The following PLCL2 variants were observed in gnomAD, a reference collection of about 807,000 sequenced individuals.
PLCL2 encodes the protein phospholipase C like 2.
Under a neutral mutation model 79.6 loss-of-function variants are expected in PLCL2, and 4 were observed. The observed-to-expected ratio is 0.05, with a 90% CI of 0.02 to 0.11. The LOEUF is 0.11. PLCL2 is among the 10% of genes least tolerant of loss of function. The pLI is 1.00. For synonymous variants in PLCL2, 484 were observed against 457.7 expected (o/e 1.06, Z -0.73); for missense variants, 895 against 1,291.0 (o/e 0.69, Z 4.70).
chr3:16,933,969 A>G (rs1170111392), intron 1 of PLCL2, among the ~76,000 whole-genome samples: 1 of 152,090 alleles, frequency 6.6e-6, no homozygotes, highest in Non-Finnish European at 1.5e-5. Context: ...CAGGAGGCGG[A>G]GGCAGGAGAA....
At chr3:17,067,809 C>T (rs2065024437) in intron 4 of PLCL2, 147 bp from the exon 5 acceptor site, 1 of 518,154 alleles carries the variant, frequency 1.9e-6, no homozygotes, top group East Asian at 3.2e-5. Flanking sequence ...GTTTTGTCCC[C>T]ATTATTACAT....
chr3:16,909,388 A>C (rs1446987977), intron 1 of PLCL2, among the ~76,000 whole-genome samples: 1 of 152,242 alleles, frequency 6.6e-6, no homozygotes, highest in Non-Finnish European at 1.5e-5. Context: ...TAGTGTTCCT[A>C]CAGAGGACTG....
At chr3:17,086,510 C>T (rs1575624906) in intron 5 of PLCL2, among the ~76,000 whole-genome samples, 3 of 152,136 alleles carry the variant, frequency 2.0e-5, no homozygotes, top group African/African-American at 7.2e-5. Flanking sequence ...AAAATCTAGG[C>T]GACCTTGGAT....
chr3:17,005,269 A>G (rs923722948), intron 1 of PLCL2, among the ~76,000 whole-genome samples: 2 of 152,142 alleles, frequency 1.3e-5, no homozygotes, highest in African/African-American at 2.4e-5. Context: ...CAGCTCCACA[A>G]CTTGGTTTCT....
chr3:16,980,407 T>G (rs1035572972), intron 1 of PLCL2, among the ~76,000 whole-genome samples: 2 of 147,078 alleles, frequency 1.4e-5, no homozygotes, highest in African/African-American at 5.1e-5. Flanking sequence ...GAGGGGCTCC[T>G]CACTTCTCAG....
At chr3:16,923,542 T>C (rs1697173894) in intron 1 of PLCL2, among the ~76,000 whole-genome samples, 1 of 152,196 alleles carries the variant, frequency 6.6e-6, no homozygotes, top group African/African-American at 2.4e-5. Context: ...TTTCAGACTT[T>C]CACTCTTCTT....
At chr3:16,944,759 G>GT (rs377143758) in intron 1 of PLCL2, among the ~76,000 whole-genome samples, 1,864 of 143,546 alleles carry the variant, frequency 0.013, 11 homozygotes, top group African/African-American at 0.014. Context: ...TGTACTCCGG[G>GT]TTTTTTTTTT....
rs34561965 is a variant in PLCL2, at chr3:16,887,797, TAAAA to T, written c.327+2439_327+2442del. Among the ~76,000 whole-genome samples, 1 of 147,126 alleles carries T rather than the reference TAAAA, an allele frequency of 6.8e-6. No homozygotes were observed. Among genetic ancestry groups the T allele is most frequent in the Admixed American group, 6.8e-5 (1 of 14,754 alleles). ...GCAGAAATTATGTTTCACTTTTGTT[TAAAA>T]AAAAAAAGAATAAAAAGCTAAAGCA... On this transcript the variant is annotated intron_variant, in intron 1 of 5. Coordinates refer to ENST00000615277, the MANE Select transcript of PLCL2 (RefSeq NM_001144382.2). The surrounding 1 kb of genome is among the most constrained non-coding windows in gnomAD (Gnocchi z 4.1).
intron 1 of PLCL2, among the ~76,000 whole-genome samples, chr3:16,998,849 C>T (rs76447924): frequency 0.023 from 3,548 of 152,242 alleles, 132 homozygotes; most frequent in African/African-American, 0.08. Flanking sequence ...TTATTTGGAA[C>T]CTTTAACCTG....
At chr3:16,995,247 T>C (rs527656383) in intron 1 of PLCL2, among the ~76,000 whole-genome samples, 103 of 152,256 alleles carry the variant, frequency 6.8e-4, no homozygotes, top group Non-Finnish European at 1.3e-3. Context: ...ACAAAATAAA[T>C]GCCTACATGT....
chr3:16,957,673 T>G (rs1319153276), intron 1 of PLCL2, among the ~76,000 whole-genome samples: 1 of 152,158 alleles, frequency 6.6e-6, no homozygotes, highest in African/African-American at 2.4e-5. Flanking sequence ...TCAGTCTGTT[T>G]GTAGGTCACT....
chr3:16,980,715 C>T (rs1213697187), intron 1 of PLCL2, among the ~76,000 whole-genome samples: 1 of 152,240 alleles, frequency 6.6e-6, no homozygotes, highest in Non-Finnish European at 1.5e-5. Context: ...GGAGACGCCC[C>T]TCGCTTCCCA....
intron 1 of PLCL2, among the ~76,000 whole-genome samples, chr3:16,951,498 G>A (rs1289863185): frequency 6.6e-6 from 1 of 151,548 alleles, no homozygotes; most frequent in Non-Finnish European, 1.5e-5. Context: ...ACTATTTTCT[G>A]TTTCTTGATT....
intron 5 of PLCL2, among the ~76,000 whole-genome samples, chr3:17,076,000 G>A (rs764003521): frequency 1.3e-5 from 2 of 152,128 alleles, no homozygotes; most frequent in African/African-American, 2.4e-5. Context: ...ATCAGTCTTT[G>A]TATGGACATG....
intron 1 of PLCL2, among the ~76,000 whole-genome samples, chr3:16,894,998 GATAT>G (rs778652801): frequency 1.3e-5 from 2 of 151,670 alleles, no homozygotes; most frequent in Non-Finnish European, 2.9e-5. Flanking sequence ...TTATTCAGAT[GATAT>G]ATATGTTTTG....
intron 5 of PLCL2, among the ~76,000 whole-genome samples, chr3:17,077,003 G>A (rs896724587): frequency 3.9e-5 from 6 of 152,024 alleles, no homozygotes; most frequent in Non-Finnish European, 7.4e-5. Context: ...CACAATAGCC[G>A]TTTTCCAGCC....
At chr3:17,036,281 A>T (rs891070806) in intron 3 of PLCL2, among the ~76,000 whole-genome samples, 1 of 152,176 alleles carries the variant, frequency 6.6e-6, no homozygotes, top group Non-Finnish European at 1.5e-5. Context: ...ATCTTTCAGT[A>T]TTTCAGTGTA....
chr3:16,971,125 G>T (rs1251072773), intron 1 of PLCL2, among the ~76,000 whole-genome samples: 2 of 151,386 alleles, frequency 1.3e-5, no homozygotes, highest in African/African-American at 2.4e-5. Flanking sequence ...TTTTAGACAT[G>T]AAGTCCTTGC....
chr3:16,895,561 T>A (rs929274411), intron 1 of PLCL2, among the ~76,000 whole-genome samples: 1 of 152,226 alleles, frequency 6.6e-6, no homozygotes, highest in African/African-American at 2.4e-5. Flanking sequence ...TTTTGTTACA[T>A]ACACATAAAG....
Sources: allele counts gnomAD v4.1 joint callset (sites outside exome capture counted in the v4.1 genomes callset), GRCh38; gene constraint gnomAD v4.1.1; non-coding constraint Gnocchi (gnomAD v3.1); transcripts MANE v1.5; gene names NCBI Gene and HGNC (gene_info 2026-07-23, HGNC 2026-07-21).